The following USP6 variants were observed in gnomAD, a reference collection of about 807,000 sequenced individuals.
USP6 encodes the protein ubiquitin specific peptidase 6, also known as ubiquitin carboxyl-terminal hydrolase 6.
USP6 carries 128 observed loss-of-function variants against 175.7 expected under a neutral mutation model. The observed-to-expected ratio is 0.73, with a 90% CI of 0.63 to 0.84. The LOEUF is 0.84. Among genes scored for constraint, USP6 ranks in the 40% least tolerant of loss-of-function variants. The probability of loss-of-function intolerance (pLI) is 0.00; values close to 1 mark genes in which losing one functional copy is unlikely to be tolerated. For synonymous variants in USP6, 562 were observed against 630.6 expected, an observed-to-expected ratio of 0.89 and a Z score of 1.63; for missense variants, 1,498 against 1,760.3, an observed-to-expected ratio of 0.85 and a Z score of 2.67.
At chr17:5,164,030 A>G (rs2074054728) in intron 33 of USP6, among the ~76,000 whole-genome samples, 1 of 152,240 alleles carries the variant, frequency 6.6e-6, no homozygotes, top group Non-Finnish European at 1.5e-5. Flanking sequence ...TTTGAAAGGT[A>G]AAGACATTAA....
rs551500567 is a variant in USP6 at position 5,132,431 on chromosome 17, C to T, written c.191C>T (p.Ala64Val). 6.1e-5 allele frequency: 99 copies of T among 1,612,038 alleles called. 1 individual carries two copies. In the Admixed American group the frequency reaches 8.7e-4, roughly 14 times the overall value. The change falls in exon 12 of 38, where the codon GCG (alanine) becomes GTG (valine). Residue 64 changes from alanine to valine, a missense_variant. Ala to Val is a moderately conservative substitution (Grantham distance 64). Coordinates refer to ENST00000574788, the MANE Select transcript of USP6 (RefSeq NM_001304284.2). The surrounding 1 kb of genome is among the most constrained non-coding windows in gnomAD (Gnocchi z 4.7). The stretch of plus-strand genomic sequence containing the variant: ...CTGCCTCCTGTGACTGCACGGGAGG[C>T]GAAGGTAAGAGCCTGATGCGTGGAG... ...TELPPVTAREAKKIRREMTRT... is the reference protein window; with the variant it reads ...TELPPVTAREVKKIRREMTRT...
intron 36 of USP6, among the ~76,000 whole-genome samples, chr17:5,171,301 C>G (rs2074211341): frequency 6.6e-6 from 1 of 152,132 alleles, no homozygotes; most frequent in African/African-American, 2.4e-5. Context: ...GATCACTCGA[C>G]TGCACCCCAG....
intron 31 of USP6, among the ~76,000 whole-genome samples, chr17:5,157,684 T>A (rs2073913352): frequency 1.3e-5 from 2 of 151,982 alleles, no homozygotes; most frequent in Admixed American, 1.3e-4. Flanking sequence ...CAGGCTGGAG[T>A]GCAGTGGCAT....
At chr17:5,146,246 CA>C in intron 28 of USP6, 72 bp downstream of exon 28, 2 of 1,499,712 alleles carry the variant, frequency 1.3e-6, no homozygotes, top group Admixed American at 4.0e-5. Flanking sequence ...TTATGATGAT[CA>C]GTTGTTAGGT....
In USP6 at chr17:5,142,422, C is replaced by A. The variant is rs1269381391; in HGVS notation, c.1738C>A (p.His580Asn). 1.2e-6 allele frequency: 2 copies of A among 1,613,852 alleles called. No individual in the cohort carries two copies. The highest frequency in any genetic ancestry group is 1.7e-6 in the Non-Finnish European group (2 of 1,179,806). Reference protein sequence around the residue: ...NRTNPIGMKGHMAKCYGDLVQ... With the variant: ...NRTNPIGMKGNMAKCYGDLVQ... ...GACAAATCCCATTGGTATGAAGGGG[C>A]ATATGGCTAAATGCTATGGTGATTT... Residue 580 changes from histidine to asparagine, a missense_variant, in exon 25 of 38, where the codon CAT (histidine) becomes AAT (asparagine). This residue lies in a region of USP6 where 1,217 missense variants were observed against 1,500.8 expected (regional missense o/e 0.81). Transcript: ENST00000574788.
rs1419537354 is a variant in USP6, at chr17:5,151,456, TG to T, written c.2643+2690del. Among the ~76,000 whole-genome samples, 72 of 150,586 alleles carry T rather than the reference TG, an allele frequency of 4.8e-4. 1 individual carries two copies. The highest frequency in any genetic ancestry group is 6.8e-3 in the Middle Eastern group (2 of 294). The stretch of plus-strand genomic sequence containing the variant: ...ATGTGTGTGTGTGTGTGTGTGTGTG[TG>T]TGTGTGTGGTGTGTGTGAGTTGATA... On this transcript the variant is annotated intron_variant, in intron 30 of 37. Transcript: ENST00000574788.
chr17:5,134,250 A>T (rs1037825673), intron 15 of USP6: 1 of 490,918 alleles, frequency 2.0e-6, no homozygotes, highest in Non-Finnish European at 3.7e-6. Context: ...ATCACACGCA[A>T]TGGTGAAAGG....
chr17:5,162,312 CA>C (rs1408337163), intron 32 of USP6, among the ~76,000 whole-genome samples: 1 of 151,998 alleles, frequency 6.6e-6, no homozygotes, highest in Non-Finnish European at 1.5e-5. Context: ...CCACTGTACC[CA>C]GCTAATTTCT....
At position 5,139,451 on chromosome 17, in the gene USP6, C is replaced by T. The variant is rs759170605; in HGVS notation, c.1275C>T (p.Tyr425=). The part of the protein sequence containing the change: ...CPGGAVREDT[Y]PVGTQGVPSL... ...GTGGGGCTGTCCGGGAAGACACGTA[C>T]CCTGTGGGCACTCAGGGTGTGCCCA... The change falls in exon 22 of 38, where the codon TAC becomes TAT. Residue 425 remains tyrosine, a synonymous_variant. Coordinates refer to ENST00000574788, the MANE Select transcript of USP6 (RefSeq NM_001304284.2). The T allele has an allele frequency of 1.2e-6, 2 of 1,613,208 alleles. No individual in the cohort carries two copies. The highest frequency in any genetic ancestry group is 1.7e-6 in the Non-Finnish European group (2 of 1,180,034).
At position 5,132,259 on chromosome 17, in the gene USP6, C is replaced by T; in HGVS notation, c.156-137C>T. The T allele has an allele frequency of 6.2e-7, 1 of 1,603,494 alleles. No homozygotes were observed. The highest frequency in any genetic ancestry group is 8.5e-7 in the Non-Finnish European group (1 of 1,174,178). On this transcript the variant is annotated intron_variant, in intron 11 of 37. Coordinates refer to ENST00000574788, the MANE Select transcript of USP6 (RefSeq NM_001304284.2). This position sits in a 1 kb window ranked among gnomAD's most constrained non-coding sequence, Gnocchi z 4.7. ...AGAGCCACAGGAAGGCCCTTGTCCT[C>T]CCTTCCCTGTGCCTTCTCCCGGGCT...
intron 4 of USP6, chr17:5,123,047 C>G (rs1300490031): frequency 6.5e-6 from 1 of 153,394 alleles, no homozygotes; most frequent in Admixed American, 6.5e-5. Flanking sequence ...CTGCGCAGGG[C>G]TGGACCTGGG....
intron 15 of USP6, chr17:5,134,316 G>A: frequency 2.9e-6 from 1 of 344,756 alleles, no homozygotes; most frequent in East Asian, 6.0e-5. Flanking sequence ...GTGGCAGGAT[G>A]GAGGGCCCAT....
chr17:5,155,424 G>C lies in USP6; in HGVS notation c.2646G>C (p.Met882Ile), dbSNP rs1449779917. ...TCTATTCTCGTTTGTACATACAGAT[G>C]AGGACAGAACTGTATTTCCTGTCAC... is the stretch of plus-strand genomic sequence containing the variant. Reference protein sequence around the residue: ...GYIIAVHRKMMRTELYFLSPQ... With the variant: ...GYIIAVHRKMIRTELYFLSPQ... Residue 882 changes from methionine (M) to isoleucine (I), a missense_variant and splice_region_variant, in exon 31 of 38, where the codon ATG becomes ATC. By Grantham distance (10) the Met-to-Ile change is conservative. This residue lies in a region of USP6 where 1,217 missense variants were observed against 1,500.8 expected (regional missense o/e 0.81). Coordinates refer to ENST00000574788, the MANE Select transcript of USP6 (RefSeq NM_001304284.2). 1.2e-6 allele frequency: 2 copies of C among 1,613,232 alleles called. No homozygotes were observed. The highest frequency in any genetic ancestry group is 1.7e-6 in the Non-Finnish European group (2 of 1,179,592).
At chr17:5,134,130 A>T in intron 15 of USP6, 134 bp downstream of exon 15, 1 of 947,802 alleles carries the variant, frequency 1.1e-6, no homozygotes, top group Non-Finnish European at 1.6e-6. Flanking sequence ...CCCAGGGAGC[A>T]GCCGGCACCA....
At chr17:5,139,719 C>A in intron 22 of USP6, 45 bp downstream of exon 22, 2 of 1,598,990 alleles carry the variant, frequency 1.3e-6, no homozygotes, top group Non-Finnish European at 1.7e-6. Flanking sequence ...TGGGCATGGA[C>A]TTCCCGGCCC....
Position 5,132,641 on chromosome 17 carries a change from G to C in USP6, c.195+206G>C, listed in dbSNP as rs574944228. Among the ~76,000 whole-genome samples the C allele has an allele frequency of 1.3e-5, 2 of 152,320 alleles. No individual in the cohort carries two copies. The highest frequency in any genetic ancestry group is 2.9e-5 in the Non-Finnish European group (2 of 68,028). On this transcript the variant is annotated intron_variant, in intron 12 of 37. Coordinates refer to ENST00000574788, the MANE Select transcript of USP6 (RefSeq NM_001304284.2). The surrounding 1 kb of genome is among the most constrained non-coding windows in gnomAD (Gnocchi z 4.7). ...AAGTGAGAACCACAGTCCTGGCTTGGGGGGTGGCTGCGCGCTTGTGTCAGG... is the reference window on the plus strand; with the variant it reads ...AAGTGAGAACCACAGTCCTGGCTTGCGGGGTGGCTGCGCGCTTGTGTCAGG...
intron 21 of USP6, chr17:5,139,052 A>G: frequency 6.3e-7 from 1 of 1,585,594 alleles, no homozygotes; most frequent in Non-Finnish European, 8.5e-7. Context: ...GGAGCCACCC[A>G]CCATGCCCCA....
intron 4 of USP6, among the ~76,000 whole-genome samples, chr17:5,122,531 G>A (rs1031033638): frequency 6.6e-6 from 1 of 152,212 alleles, no homozygotes; most frequent in Non-Finnish European, 1.5e-5. Context: ...TAGTTCCTTG[G>A]CCCGCGTGCC....
chr17:5,126,515 G>A (rs2072899082), intron 6 of USP6, among the ~76,000 whole-genome samples: 1 of 152,078 alleles, frequency 6.6e-6, no homozygotes, highest in Non-Finnish European at 1.5e-5. Context: ...GTTTTCACTG[G>A]GAACTGGGAT....
Sources: allele counts gnomAD v4.1 joint callset (sites outside exome capture counted in the v4.1 genomes callset), GRCh38; gene constraint gnomAD v4.1.1; regional missense constraint gnomAD v4.1.1; non-coding constraint Gnocchi (gnomAD v3.1); transcripts MANE v1.5; gene names NCBI Gene and HGNC (gene_info 2026-07-23, HGNC 2026-07-21).